LPP: variants seen among roughly 807,000 people sequenced by gnomAD.
The protein encoded by LPP is LIM domain containing preferred translocation partner in lipoma, also known as lipoma-preferred partner.
In LPP, 38 loss-of-function variants were observed where a neutral mutation model predicts 60.4. The ratio of observed to expected loss-of-function variants is 0.63; its 90% CI spans 0.49 to 0.83. The LOEUF is 0.83. Ranked by LOEUF, LPP falls within the 40% of genes least tolerant of loss-of-function variation. The pLI is 0.00. For synonymous variants in LPP, 328 were observed against 290.8 expected (o/e 1.13, Z -1.30); for missense variants, 902 against 783.6 (o/e 1.15, Z -1.80).
At chr3:188,578,282 C>T (rs1283134531) in intron 6 of LPP, among the ~76,000 whole-genome samples, 1 of 151,620 alleles carries the variant, frequency 6.6e-6, no homozygotes, top group Non-Finnish European at 1.5e-5. Flanking sequence ...TCTTCCTTTC[C>T]TTTTTTCTTT....
At chr3:188,253,146 T>C (rs1368370698) in intron 2 of LPP, among the ~76,000 whole-genome samples, 3 of 151,904 alleles carry the variant, frequency 2.0e-5, no homozygotes, top group Non-Finnish European at 2.9e-5. Context: ...AAATTAGATA[T>C]ATTGGCCTTT....
At chr3:188,664,826 G>A (rs959605123) in intron 7 of LPP, among the ~76,000 whole-genome samples, 39 of 152,150 alleles carry the variant, frequency 2.6e-4, no homozygotes, top group Non-Finnish European at 4.4e-4. Flanking sequence ...AAAATTAGGG[G>A]AAACTGGGAG....
At chr3:188,248,468 T>TTATATATATAGTTA (rs528762603) in intron 2 of LPP, among the ~76,000 whole-genome samples, 13 of 84,154 alleles carry the variant, frequency 1.5e-4, no homozygotes, top group South Asian at 1.3e-3. Flanking sequence ...CAGTATAACT[T>TTATATATATAGTTA]TATATATATA....
At chr3:188,364,603 G>T (rs1222076665) in intron 3 of LPP, among the ~76,000 whole-genome samples, 1 of 152,178 alleles carries the variant, frequency 6.6e-6, no homozygotes, top group Admixed American at 6.5e-5. Context: ...TAAATGGAGA[G>T]AAAATAAAGG....
chr3:188,248,138 C>T (rs1489449122), intron 2 of LPP, among the ~76,000 whole-genome samples: 5 of 151,970 alleles, frequency 3.3e-5, no homozygotes, highest in Admixed American at 6.6e-5. Context: ...TGCTGTGTCT[C>T]CCTGACACCC....
rs939039909 is a variant in LPP at position 188,450,473 on chromosome 3, G to T, written c.194-34119G>T. 1.3e-5 allele frequency among the ~76,000 whole-genome samples: 2 copies of T among 152,210 alleles called. 1 individual carries two copies. The highest frequency in any genetic ancestry group is 4.1e-4 in the South Asian group (2 of 4,824). On this transcript the variant is annotated intron_variant, in intron 4 of 11. Transcript: ENST00000617246. ...AAAAATCGATTTACAGGCCTGGTGC[G>T]GTGGCTCACGCCTGTAATCCTAGCA...
chr3:188,242,560 A>G (rs1162955356), intron 2 of LPP, among the ~76,000 whole-genome samples: 1 of 152,146 alleles, frequency 6.6e-6, no homozygotes, highest in Non-Finnish European at 1.5e-5. Context: ...AAAACTGTGA[A>G]AGACACGGTT....
At position 188,309,022 on chromosome 3, in the gene LPP, C is replaced by CTTT. The variant is rs777945680; in HGVS notation, c.-66-32626_-66-32624dup. On this transcript the variant is annotated intron_variant, in intron 2 of 11. Coordinates refer to ENST00000617246, the MANE Select transcript of LPP (RefSeq NM_001375462.1). ...TCTCCTTCTTCTTTTTCTTCTTCTT[C>CTTT]TTTTTTTTTTTTTTTTTGATATGGA... is the stretch of plus-strand genomic sequence containing the variant. 7.7e-4 allele frequency among the ~76,000 whole-genome samples: 92 copies of CTTT among 119,668 alleles called. 1 individual carries two copies. The highest frequency in any genetic ancestry group is 1.3e-3 in the African/African-American group (43 of 31,988). The allele number at this position is 119,668 out of a possible 152,430, so 78.5% of individuals were successfully genotyped here.
chr3:188,708,459 G>T lies in LPP; in HGVS notation c.1240+66G>T, dbSNP rs760432303. ...GCTCTGATTTCCTTCCTTAGTAATTGGAACTATTATCAGCTCCACTGGTAA... is the reference window on the plus strand; with the variant it reads ...GCTCTGATTTCCTTCCTTAGTAATTTGAACTATTATCAGCTCCACTGGTAA... On this transcript the variant is annotated intron_variant, in intron 8 of 11. Coordinates refer to ENST00000617246, the MANE Select transcript of LPP (RefSeq NM_001375462.1). 7.5e-6 allele frequency: 12 copies of T among 1,608,602 alleles called. No homozygotes were observed. The East Asian group carries it at 2.2e-4, about 30-fold the overall frequency.
At chr3:188,580,958 T>C (rs1336138429) in intron 6 of LPP, among the ~76,000 whole-genome samples, 3 of 152,048 alleles carry the variant, frequency 2.0e-5, no homozygotes, top group African/African-American at 7.2e-5. Flanking sequence ...TTTCAACTGA[T>C]TGAATCAGGC....
At chr3:188,552,758 T>C (rs1205711270) in intron 6 of LPP, among the ~76,000 whole-genome samples, 1 of 152,226 alleles carries the variant, frequency 6.6e-6, no homozygotes, top group Admixed American at 6.5e-5. Context: ...TAAGAACTCA[T>C]GTGATTAGAT....
At chr3:188,816,514 C>T (rs572549306) in intron 9 of LPP, among the ~76,000 whole-genome samples, 31 of 152,206 alleles carry the variant, frequency 2.0e-4, no homozygotes, top group African/African-American at 7.0e-4. Context: ...ATGATTCCTT[C>T]TCATCTTCTG....
chr3:188,499,711 T>A (rs1459788974), intron 5 of LPP, among the ~76,000 whole-genome samples: 1 of 152,180 alleles, frequency 6.6e-6, no homozygotes, highest in African/African-American at 2.4e-5. Flanking sequence ...TATTGACATC[T>A]TAGTTATATT....
chr3:188,590,559 G>A (rs573229890), intron 6 of LPP, among the ~76,000 whole-genome samples: 9 of 152,236 alleles, frequency 5.9e-5, no homozygotes, highest in Admixed American at 1.3e-4. Context: ...AGACAACACA[G>A]CAAGGCTGTG....
intron 5 of LPP, among the ~76,000 whole-genome samples, chr3:188,497,956 C>G (rs546194204): frequency 4.0e-4 from 61 of 152,278 alleles, no homozygotes; most frequent in Non-Finnish European, 6.8e-4. Context: ...CTCTCCTCCC[C>G]TTAACACCCA....
intron 9 of LPP, among the ~76,000 whole-genome samples, chr3:188,808,922 A>T (rs1388865909): frequency 6.6e-6 from 1 of 152,166 alleles, no homozygotes; most frequent in Non-Finnish European, 1.5e-5. Context: ...TATAAGTGAG[A>T]ACATGCAGTG....
chr3:188,768,751 C>G (rs974023045), intron 9 of LPP, among the ~76,000 whole-genome samples: 1 of 152,122 alleles, frequency 6.6e-6, no homozygotes, highest in African/African-American at 2.4e-5. Context: ...CAGTAGAAAT[C>G]CCTTGGGTTC....
chr3:188,172,731 G>A (rs1039065956), intron 1 of LPP, among the ~76,000 whole-genome samples: 7 of 152,112 alleles, frequency 4.6e-5, no homozygotes, highest in Non-Finnish European at 8.8e-5. Context: ...ACTGATGTTG[G>A]TACATTACTG....
At chr3:188,197,216 A>G (rs888254144) in intron 1 of LPP, among the ~76,000 whole-genome samples, 7 of 152,114 alleles carry the variant, frequency 4.6e-5, no homozygotes, top group African/African-American at 1.7e-4. Context: ...TTTGGGTAGT[A>G]TTGGGTGGGA....
Sources: allele counts gnomAD v4.1 joint callset (sites outside exome capture counted in the v4.1 genomes callset), GRCh38; gene constraint gnomAD v4.1.1; transcripts MANE v1.5; gene names NCBI Gene and HGNC (gene_info 2026-07-23, HGNC 2026-07-21).